Variants in PDE6A observed in about 807,000 individuals in gnomAD.
PDE6A encodes the protein rod cGMP-specific 3',5'-cyclic phosphodiesterase subunit alpha.
In PDE6A, 84 loss-of-function variants were observed where a neutral mutation model predicts 106.3. That is an observed-to-expected ratio of 0.79 (90% CI 0.66 to 0.95). The LOEUF (loss-of-function observed/expected upper bound fraction) is 0.95, where lower values mean the gene tolerates loss of function less well. Among genes scored for constraint, PDE6A ranks in the 40% least tolerant of loss-of-function variants. PDE6A has a pLI of 0.00. For missense variants in PDE6A, 1,052 were observed against 1,084.9 expected (o/e 0.97, Z 0.43); for synonymous variants, 394 against 386.6 (o/e 1.02, Z -0.23).
chr5:149,886,319 G>A lies in PDE6A; in HGVS notation c.1784C>T (p.Ala595Val), dbSNP rs758350163. ...GTGGTCAATGTCATGGCAGAAAGCAGCAGTGACCATGGCCAAGGCCTCTAG... is the reference window on the plus strand; with the variant it reads ...GTGGTCAATGTCATGGCAGAAAGCAACAGTGACCATGGCCAAGGCCTCTAG... Reference protein sequence around the residue: ...TDLEALAMVTAAFCHDIDHRG... With the variant: ...TDLEALAMVTVAFCHDIDHRG... Residue 595 changes from alanine to valine, a missense_variant, in exon 14 of 22, where the codon GCT becomes GTT. By Grantham distance (64) the Ala-to-Val change is moderately conservative. This residue lies in a region of PDE6A where 913 missense variants were observed against 915.2 expected (regional missense o/e 1.00). Coordinates refer to ENST00000255266, the MANE Select transcript of PDE6A (RefSeq NM_000440.3). The A allele has an allele frequency of 6.2e-7, 1 of 1,614,218 alleles. No individual in the cohort carries two copies. Among genetic ancestry groups the A allele is most frequent in the South Asian group, 1.1e-5 (1 of 91,084 alleles).
At chr5:149,899,008 T>TACC (rs1322845443) in intron 9 of PDE6A, among the ~76,000 whole-genome samples, 2 of 152,076 alleles carry the variant, frequency 1.3e-5, no homozygotes, top group Non-Finnish European at 2.9e-5. Context: ...GGACCACAGA[T>TACC]ATGCGCTACC....
chr5:149,944,712 G>T lies in PDE6A; in HGVS notation c.-39C>A. ...ACTGGCTACTCTGTAGAAGGACTGG[G>T]ACGGAGGCCTTCCAATGGCAGTTTT... On this transcript the variant is annotated 5_prime_UTR_variant, in exon 1 of 22. Transcript: ENST00000255266. 1.3e-6 allele frequency: 2 copies of T among 1,535,184 alleles called. No individual in the cohort carries two copies. Among genetic ancestry groups the T allele is most frequent in the South Asian group, 2.3e-5 (2 of 86,022 alleles).
chr5:149,944,615 G>T lies in PDE6A; in HGVS notation c.59C>A (p.Ala20Asp), dbSNP rs1488546964. ...GTAGTGGAGGTTGTAGTACTGTTTG[G>T]CAAAGCCAATATTCGAGTCCAGGAA... ...EKFLDSNIGF[A>D]KQYYNLHYRA... Residue 20 changes from alanine (A) to aspartate (D), a missense_variant, in exon 1 of 22, where the codon GCC (alanine) becomes GAC (aspartate). Coordinates refer to ENST00000255266, the MANE Select transcript of PDE6A (RefSeq NM_000440.3). 1.2e-6 allele frequency: 2 copies of T among 1,613,896 alleles called. No individual in the cohort carries two copies. The highest frequency in any genetic ancestry group is 1.1e-5 in the South Asian group (1 of 91,044).
intron 1 of PDE6A, among the ~76,000 whole-genome samples, chr5:149,936,100 G>A (rs1009751376): frequency 6.6e-6 from 1 of 150,830 alleles, no homozygotes; most frequent in Non-Finnish European, 1.5e-5. Flanking sequence ...GCTGCAGTGA[G>A]CTATGATTGT....
intron 17 of PDE6A, among the ~76,000 whole-genome samples, chr5:149,869,118 T>G (rs535742326): frequency 5.5e-4 from 83 of 152,154 alleles, no homozygotes; most frequent in Non-Finnish European, 1.1e-3. Flanking sequence ...TCACTTGCAG[T>G]CTGGAGTTCA....
At chr5:149,888,487 A>G (rs949841014) in intron 13 of PDE6A, among the ~76,000 whole-genome samples, 1 of 148,180 alleles carries the variant, frequency 6.7e-6, no homozygotes, top group Non-Finnish European at 1.5e-5. Context: ...TATGTTATTT[A>G]TAATATATTA....
chr5:149,923,364 G>A (rs1455524256), intron 4 of PDE6A, among the ~76,000 whole-genome samples: 1 of 152,066 alleles, frequency 6.6e-6, no homozygotes, highest in Non-Finnish European at 1.5e-5. Flanking sequence ...CGGGCGTGGT[G>A]GTATGTGCCT....
chr5:149,884,075 C>T (rs1207709030), intron 16 of PDE6A, among the ~76,000 whole-genome samples: 4 of 151,586 alleles, frequency 2.6e-5, no homozygotes, highest in African/African-American at 9.7e-5. Context: ...CCTGTAGTCC[C>T]AGCCACTCAG....
At chr5:149,901,910 G>C (rs1011164150) in intron 8 of PDE6A, among the ~76,000 whole-genome samples, 3 of 152,124 alleles carry the variant, frequency 2.0e-5, no homozygotes, top group African/African-American at 7.2e-5. Context: ...ATAATGATTT[G>C]TTTTTCTTTT....
intron 13 of PDE6A, among the ~76,000 whole-genome samples, chr5:149,889,665 G>C (rs1428965738): frequency 2.6e-5 from 4 of 151,972 alleles, no homozygotes; most frequent in African/African-American, 9.7e-5. Flanking sequence ...CAGCACTCTG[G>C]GAGGCTGAGG....
At chr5:149,877,346 G>A (rs1760778928) in intron 17 of PDE6A, among the ~76,000 whole-genome samples, 2 of 152,096 alleles carry the variant, frequency 1.3e-5, no homozygotes, top group South Asian at 4.1e-4. Flanking sequence ...GGGAGGCCGA[G>A]GTGTAAGAAT....
At chr5:149,890,727 A>AT (rs139048464) in intron 13 of PDE6A, among the ~76,000 whole-genome samples, 5,319 of 152,312 alleles carry the variant, frequency 0.035, 124 homozygotes, top group East Asian at 0.076. Context: ...TTTCTTCTTC[A>AT]TAAGATCATA....
chr5:149,927,193 T>C (rs73269774), intron 4 of PDE6A, among the ~76,000 whole-genome samples: 228 of 152,092 alleles, frequency 1.5e-3, no homozygotes, highest in African/African-American at 5.4e-3. Context: ...AAAAACACAG[T>C]AAAAATAAGG....
chr5:149,889,957 A>ATTT (rs111949887), intron 13 of PDE6A, among the ~76,000 whole-genome samples: 1 of 121,372 alleles, frequency 8.2e-6, no homozygotes, highest in Non-Finnish European at 1.7e-5. Flanking sequence ...AGTCATATTC[A>ATTT]TTTTTTTTTT....
chr5:149,896,046 C>T (rs1402806915), intron 12 of PDE6A, among the ~76,000 whole-genome samples: 1 of 152,180 alleles, frequency 6.6e-6, no homozygotes, highest in African/African-American at 2.4e-5. Context: ...GTTTAGCCCA[C>T]ATTTTCTGCC....
chr5:149,870,895 A>G (rs905285155), intron 17 of PDE6A, among the ~76,000 whole-genome samples: 1 of 151,838 alleles, frequency 6.6e-6, no homozygotes, highest in South Asian at 2.1e-4. Context: ...AAGAAAAAGA[A>G]AGAAAGGAAA....
chr5:149,905,368 A>G (rs192613406), intron 7 of PDE6A, among the ~76,000 whole-genome samples: 60 of 152,244 alleles, frequency 3.9e-4, no homozygotes, highest in African/African-American at 1.4e-3. Context: ...CTCTGCTTCC[A>G]ACACTCCTCT....
chr5:149,928,209 C>CTATATATATATATATATATATATATA (rs1213238607), intron 4 of PDE6A, among the ~76,000 whole-genome samples: 1 of 44,556 alleles, frequency 2.2e-5, no homozygotes, highest in African/African-American at 1.4e-4. Flanking sequence ...ATTGTATGTG[C>CTATATATATATATATATATATATATA]TATATATATA....
rs1161018345 is a variant in PDE6A, at chr5:149,868,096, T to C, written c.2198A>G (p.Gln733Arg). 6 of 1,613,976 alleles carry C rather than the reference T, an allele frequency of 3.7e-6. No homozygotes were observed. The highest frequency in any genetic ancestry group is 2.7e-5 in the African/African-American group (2 of 74,928). The change falls in exon 18 of 22, where the codon CAG becomes CGG. Residue 733 changes from glutamine to arginine, a missense_variant and splice_region_variant. Around this residue, in one of 3 missense-constraint regions of PDE6A, gnomAD observed 4 missense variants for 16.5 expected, o/e 0.24. Coordinates refer to ENST00000255266, the MANE Select transcript of PDE6A (RefSeq NM_000440.3). ...TCTTGGGTCAGCAGGAGTTCATACC[T>C]GGCTCTGCACCTCCCAGGGTTTGGT... ...AITKPWEVQS[Q>R]VALLVAAEFW...
Sources: allele counts gnomAD v4.1 joint callset (sites outside exome capture counted in the v4.1 genomes callset), GRCh38; gene constraint gnomAD v4.1.1; regional missense constraint gnomAD v4.1.1; transcripts MANE v1.5; gene names NCBI Gene and HGNC (gene_info 2026-07-23, HGNC 2026-07-21).